The following CBR4 variants were observed in gnomAD, a reference collection of about 807,000 sequenced individuals.
CBR4 encodes the protein 3-oxoacyl-[acyl-carrier-protein] reductase.
A neutral mutation model predicts 21.0 loss-of-function variants in CBR4; 22 were observed. The ratio of observed to expected loss-of-function variants is 1.05; its 90% confidence interval spans 0.75 to 1.50. The LOEUF is 1.50. Among genes scored for constraint, CBR4 ranks in the 40% most tolerant of loss-of-function variants. CBR4 has a pLI of 0.00. For missense variants in CBR4, 302 were observed against 286.3 expected (o/e 1.05, Z -0.40); for synonymous variants, 100 against 104.4 (o/e 0.96, Z 0.26).
intron 2 of CBR4, among the ~76,000 whole-genome samples, chr4:168,971,355 G>T (rs983778902): frequency 6.6e-6 from 1 of 151,370 alleles, no homozygotes; most frequent in African/African-American, 2.4e-5. Flanking sequence ...TGCAACCTCT[G>T]CTTCCCAGGT....
At chr4:168,968,253 A>G (rs1219865737) in intron 2 of CBR4, among the ~76,000 whole-genome samples, 1 of 152,264 alleles carries the variant, frequency 6.6e-6, no homozygotes, top group Non-Finnish European at 1.5e-5. Context: ...TTATGGTTTT[A>G]CCAAACAAGT....
intron 2 of CBR4, among the ~76,000 whole-genome samples, chr4:168,934,529 G>A (rs936765363): frequency 2.0e-5 from 3 of 151,840 alleles, no homozygotes; most frequent in Non-Finnish European, 4.4e-5. Flanking sequence ...GAAACACACA[G>A]GATCATTAGA....
chr4:168,928,449 T>G (rs1560947856), intron 2 of CBR4: 1 of 177,552 alleles, frequency 5.6e-6, no homozygotes, highest in African/African-American at 2.4e-5. Context: ...AAATAAATAT[T>G]CAGTTTTAGT....
At chr4:168,971,436 A>ATTTTTTTTTTTTTTT (rs70961566) in intron 2 of CBR4, among the ~76,000 whole-genome samples, 13 of 114,084 alleles carry the variant, frequency 1.1e-4, no homozygotes, top group African/African-American at 2.5e-4. Context: ...TGCCCAGCTC[A>ATTTTTTTTTTTTTTT]TTTTTTTTTT....
rs1582264481 is a variant in CBR4, at chr4:168,926,351, T to C, written n.170-31586A>G. 2 of 1,537,406 alleles carry C rather than the reference T, an allele frequency of 1.3e-6. No individual in the cohort carries two copies. The highest frequency in any genetic ancestry group is 8.7e-7 in the Non-Finnish European group (1 of 1,146,842). ...GAGGCCAACCCATCTCACCTGACAC[T>C]GAATACTGCCTTGGTAGAAAGTGAG... On this transcript the variant is annotated intron_variant and non_coding_transcript_variant, in intron 2 of 3. Transcript: ENST00000509108.
At chr4:168,904,648 A>G (rs1310267125) in intron 2 of CBR4, among the ~76,000 whole-genome samples, 1 of 152,206 alleles carries the variant, frequency 6.6e-6, no homozygotes, top group African/African-American at 2.4e-5. Context: ...AAAGTCTGCA[A>G]AAGTAGTATA....
At chr4:168,927,438 G>C (rs1762701982) in intron 2 of CBR4, 1 of 232,792 alleles carries the variant, frequency 4.3e-6, no homozygotes, top group Admixed American at 5.6e-5. Flanking sequence ...GTGTGTCTGA[G>C]GTTTGTGTAG....
At position 168,896,409 on chromosome 4, in the gene CBR4, G is replaced by T. The variant is rs1755178956; in HGVS notation, n.170-1644C>A. 4.6e-6 allele frequency: 3 copies of T among 646,572 alleles called. No individual in the cohort carries two copies. The African/African-American group carries it at 5.4e-5, about 12-fold the overall frequency. 40.1% of individuals were successfully genotyped at this position (646,572 alleles called of 1,614,324 possible). The stretch of plus-strand genomic sequence containing the variant: ...TGTACCAAAAGTGAGAAGCAGAATG[G>T]TTGTGTGAGTACTCACAGCACCGTT... On this transcript the variant is annotated intron_variant and non_coding_transcript_variant, in intron 2 of 3. Transcript: ENST00000509108.
chr4:168,936,585 C>T (rs955035885), intron 2 of CBR4, among the ~76,000 whole-genome samples: 2 of 152,094 alleles, frequency 1.3e-5, no homozygotes, highest in African/African-American at 2.4e-5. Context: ...TAGAGAAGAA[C>T]ATAAATGACC....
At chr4:168,899,911 C>G (rs1294814449) in intron 2 of CBR4, among the ~76,000 whole-genome samples, 1 of 150,796 alleles carries the variant, frequency 6.6e-6, no homozygotes, top group Non-Finnish European at 1.5e-5. Flanking sequence ...CAGTGAGACT[C>G]CGTCTCAAAA....
At chr4:169,003,839 G>GC in intron 3 of CBR4, among the ~76,000 whole-genome samples, 1 of 152,128 alleles carries the variant, frequency 6.6e-6, no homozygotes, top group Non-Finnish European at 1.5e-5. Flanking sequence ...GTAAACTATC[G>GC]CAAGGACAAA....
chr4:168,937,702 A>C (rs1051604425), intron 2 of CBR4, among the ~76,000 whole-genome samples: 1 of 152,210 alleles, frequency 6.6e-6, no homozygotes, highest in Non-Finnish European at 1.5e-5. Flanking sequence ...AACAAAGATC[A>C]AAAGAGACAA....
At chr4:168,919,064 A>G (rs1438493512) in intron 2 of CBR4, among the ~76,000 whole-genome samples, 1 of 152,210 alleles carries the variant, frequency 6.6e-6, no homozygotes, top group Non-Finnish European at 1.5e-5. Flanking sequence ...CACTTACCAT[A>G]CTGGTTATCT....
chr4:168,921,454 A>C lies in CBR4; in HGVS notation n.170-26689T>G. On this transcript the variant is annotated intron_variant and non_coding_transcript_variant, in intron 2 of 3. Transcript: ENST00000509108. ...CACCTCTTGTACTACTGAAGGAGGA[A>C]TTTATGCAGACTTCTTAGCTACCAG... The C allele has an allele frequency of 3.2e-6, 3 of 948,272 alleles. No individual in the cohort carries two copies. In the South Asian group the frequency reaches 4.2e-5, roughly 13 times the overall value. The allele number at this position is 948,272 out of a possible 1,614,324, so 58.7% of individuals were successfully genotyped here.
chr4:168,982,479 C>T (rs767275470), intron 2 of CBR4, among the ~76,000 whole-genome samples: 9 of 152,084 alleles, frequency 5.9e-5, no homozygotes, highest in Non-Finnish European at 1.0e-4. Flanking sequence ...TAGGAGACTT[C>T]AACATCCCAC....
chr4:168,918,691 C>T (rs1365167624), intron 2 of CBR4, among the ~76,000 whole-genome samples: 1 of 149,738 alleles, frequency 6.7e-6, no homozygotes, highest in African/African-American at 2.5e-5. Context: ...GTTCTTACTA[C>T]AAAAAAAAAT....
intron 2 of CBR4, among the ~76,000 whole-genome samples, chr4:168,945,930 G>T (rs913137693): frequency 8.5e-5 from 13 of 152,084 alleles, no homozygotes; most frequent in African/African-American, 2.9e-4. Flanking sequence ...CTGAATTTTG[G>T]CCAGAAATAG....
chr4:168,898,783 A>C, intron 2 of CBR4: 1 of 948,064 alleles, frequency 1.1e-6, no homozygotes, highest in Admixed American at 1.7e-5. Context: ...AAAACATAGC[A>C]TGCCAGTAGG....
intron 2 of CBR4, among the ~76,000 whole-genome samples, chr4:168,952,903 G>A (rs774401432): frequency 5.3e-5 from 8 of 152,216 alleles, no homozygotes; most frequent in Non-Finnish European, 8.8e-5. Flanking sequence ...CTCCTGCCAG[G>A]AGGTGGCTCT....
Sources: gnomAD v4.1 joint callset for allele counts (sites outside exome capture counted in the v4.1 genomes callset) on GRCh38, gnomAD v4.1.1 for gene constraint, MANE v1.5 for transcripts, NCBI Gene and HGNC (gene_info 2026-07-23, HGNC 2026-07-21) for gene names.